Variants in PCDHGB6 observed in about 807,000 individuals in gnomAD.
PCDHGB6 encodes protocadherin gamma-B6.
A neutral mutation model predicts 59.1 loss-of-function variants in PCDHGB6; 51 were observed. The observed-to-expected ratio is 0.86, with a 90% CI of 0.69 to 1.09. The LOEUF (loss-of-function observed/expected upper bound fraction) is 1.09, where lower values mean the gene tolerates loss of function less well. Among genes scored for constraint, PCDHGB6 ranks in the 50% least tolerant of loss-of-function variants. The probability of loss-of-function intolerance (pLI) is 0.00; values close to 1 mark genes in which losing one functional copy is unlikely to be tolerated. For synonymous variants in PCDHGB6, 466 were observed against 495.1 expected (o/e 0.94, Z 0.78); for missense variants, 1,148 against 1,205.1 (o/e 0.95, Z 0.70).
At chr5:141,474,920 C>A (rs1363277892) in intron 1 of PCDHGB6, among the ~76,000 whole-genome samples, 2 of 152,232 alleles carry the variant, frequency 1.3e-5, no homozygotes, top group Admixed American at 6.5e-5. Context: ...TACATCTCAT[C>A]TCTGGCTTAT....
chr5:141,491,126 G>A lies in PCDHGB6; in HGVS notation c.2419-3681G>A, dbSNP rs768294944. 1.4e-5 allele frequency: 23 copies of A among 1,613,978 alleles called. No individual in the cohort carries two copies. In the East Asian group the frequency reaches 3.1e-4, roughly 22 times the overall value. On this transcript the variant is annotated intron_variant, in intron 1 of 3. Transcript: ENST00000520790. This position sits in a 1 kb window ranked among gnomAD's most constrained non-coding sequence, Gnocchi z 6.9. ...GTGTCTACACACACTGGTGAGGTGCGCACAGCCCGGGCCTTACTGGAGGAT... is the reference window on the plus strand; with the variant it reads ...GTGTCTACACACACTGGTGAGGTGCACACAGCCCGGGCCTTACTGGAGGAT...
chr5:141,409,594 C>G lies in PCDHGB6; in HGVS notation c.1392C>G (p.Asn464Lys). ...QTSYVVHVAE[N>K]NPPGASIAQV... ...CCTACGTGGTCCACGTGGCCGAGAA[C>G]AACCCGCCAGGAGCCTCCATTGCGC... The change falls in exon 1 of 4, where the codon AAC (asparagine) becomes AAG (lysine). Residue 464 changes from asparagine to lysine, a missense_variant. By Grantham distance (94) the Asn-to-Lys change is moderately conservative. This residue lies in a region of PCDHGB6 where 549 missense variants were observed against 527.5 expected (regional missense o/e 1.04). Coordinates refer to ENST00000520790, the MANE Select transcript of PCDHGB6 (RefSeq NM_018926.3). 1.2e-6 allele frequency: 2 copies of G among 1,613,900 alleles called. No homozygotes were observed. The highest frequency in any genetic ancestry group is 1.7e-6 in the Non-Finnish European group (2 of 1,179,892).
rs758417744 is a variant in PCDHGB6, at chr5:141,430,916, G to A, written c.2418+20296G>A. On this transcript the variant is annotated intron_variant, in intron 1 of 3. Coordinates refer to ENST00000520790, the MANE Select transcript of PCDHGB6 (RefSeq NM_018926.3). ...GGTGGGCGACATCTCCAGGGACCTG[G>A]GGCTGGAGCCCCGGGAGCTCGCGGA... The A allele has an allele frequency of 1.9e-6, 3 of 1,607,878 alleles. No individual in the cohort carries two copies. The East Asian group carries it at 6.7e-5, about 36-fold the overall frequency.
At chr5:141,460,883 C>T (rs371847673) in intron 1 of PCDHGB6, among the ~76,000 whole-genome samples, 2 of 149,996 alleles carry the variant, frequency 1.3e-5, no homozygotes, top group East Asian at 2.0e-4. Context: ...TATTTCATGC[C>T]TTTTCGTGGC....
intron 1 of PCDHGB6, chr5:141,475,926 G>C: frequency 4.8e-6 from 3 of 619,440 alleles, no homozygotes; most frequent in East Asian, 2.9e-5. Context: ...GCTGGAGATC[G>C]GGCCCCTGCC....
intron 1 of PCDHGB6, chr5:141,441,834 C>T (rs370689467): frequency 2.6e-5 from 9 of 352,638 alleles, no homozygotes; most frequent in Non-Finnish European, 3.9e-5. Flanking sequence ...GCAATGGCTT[C>T]GCGCTCTTGG....
chr5:141,489,696 C>T lies in PCDHGB6; in HGVS notation c.2419-5111C>T. On this transcript the variant is annotated intron_variant, in intron 1 of 3. Transcript: ENST00000520790. This position sits in a 1 kb window ranked among gnomAD's most constrained non-coding sequence, Gnocchi z 4.5. ...AATCAGCAGCATCTGGGGCACGATT[C>T]CCACTGGACAGTGCCCAGGATCCGG... 6.2e-7 allele frequency: 1 copy of T among 1,614,170 alleles called. No homozygotes were observed. Among genetic ancestry groups the T allele is most frequent in the Non-Finnish European group, 8.5e-7 (1 of 1,180,002 alleles).
intron 1 of PCDHGB6, 144 bp from the exon 2 acceptor site, chr5:141,494,663 G>A: frequency 6.7e-7 from 1 of 1,499,356 alleles, no homozygotes; most frequent in Non-Finnish European, 9.0e-7. Flanking sequence ...TGTCTTTGGA[G>A]ATGAGTCCAC....
chr5:141,410,037 G>A lies in PCDHGB6; in HGVS notation c.1835G>A (p.Ser612Asn). The A allele has an allele frequency of 1.2e-6, 2 of 1,613,250 alleles. No homozygotes were observed. The highest frequency in any genetic ancestry group is 1.7e-6 in the Non-Finnish European group (2 of 1,179,804). Residue 612 changes from serine (S) to asparagine (N), a missense_variant, in exon 1 of 4, where the codon AGT (serine) becomes AAT (asparagine). Physicochemically the swap from Ser to Asn is conservative, Grantham distance 46. Transcript: ENST00000520790. The stretch of plus-strand genomic sequence containing the variant: ...CTGTCCTACCACGTGCTGCAGGCCA[G>A]TGAGCCCGGACTCTTCAGCCTGGGG... Reference protein sequence around the residue: ...AWLSYHVLQASEPGLFSLGLR... With the variant: ...AWLSYHVLQANEPGLFSLGLR...
intron 1 of PCDHGB6, chr5:141,416,673 C>A (rs1259750007): frequency 6.6e-6 from 1 of 151,958 alleles, no homozygotes; most frequent in Non-Finnish European, 1.5e-5. Flanking sequence ...ATATATGCAA[C>A]GAAGGGAAAT....
rs919375073 is a variant in PCDHGB6 at position 141,490,642 on chromosome 5, C to A, written c.2419-4165C>A. On this transcript the variant is annotated intron_variant, in intron 1 of 3. Coordinates refer to ENST00000520790, the MANE Select transcript of PCDHGB6 (RefSeq NM_018926.3). This position sits in a 1 kb window ranked among gnomAD's most constrained non-coding sequence, Gnocchi z 5.4. ...CACTGCTTACATCCTAGAAAACCGG[C>A]CTCCGGGCTCCCTTCTTTGCACTGT... 4.3e-6 allele frequency: 7 copies of A among 1,614,102 alleles called. No individual in the cohort carries two copies. In the African/African-American group the frequency reaches 6.7e-5, roughly 15 times the overall value.
chr5:141,420,840 T>A (rs2096528017), intron 1 of PCDHGB6, among the ~76,000 whole-genome samples: 1 of 152,250 alleles, frequency 6.6e-6, no homozygotes, highest in African/African-American at 2.4e-5. Flanking sequence ...TCGCAGGTGT[T>A]CTTGGTAAAG....
chr5:141,476,711 G>C lies in PCDHGB6; in HGVS notation c.2419-18096G>C. 1 of 1,614,194 alleles carries C rather than the reference G, an allele frequency of 6.2e-7. No individual in the cohort carries two copies. The highest frequency in any genetic ancestry group is 8.5e-7 in the Non-Finnish European group (1 of 1,180,042). On this transcript the variant is annotated intron_variant, in intron 1 of 3. Coordinates refer to ENST00000520790, the MANE Select transcript of PCDHGB6 (RefSeq NM_018926.3). This position sits in a 1 kb window ranked among gnomAD's most constrained non-coding sequence, Gnocchi z 7.6. ...CACCAAGTACGCGGAGCTGGTGTTG[G>C]AGCGCGCCCTGGACCGAGAACGGGA...
intron 1 of PCDHGB6, chr5:141,417,547 G>C (rs756455730): frequency 9.7e-5 from 31 of 318,264 alleles, no homozygotes; most frequent in Non-Finnish European, 1.5e-4. Flanking sequence ...AAAATTCCTT[G>C]AAAGAGGTAG....
rs561122870 is a variant in PCDHGB6 at position 141,439,444 on chromosome 5, C to T, written c.2418+28824C>T. On this transcript the variant is annotated intron_variant, in intron 1 of 3. Transcript: ENST00000520790. ...ATAAATTCCCAGGAATATTTTATTG[C>T]GGGAGCAAGACTGCACTGCTGCCTT... Among the ~76,000 whole-genome samples the T allele has an allele frequency of 3.0e-4, 46 of 152,264 alleles. 1 individual carries two copies. The South Asian group carries it at 6.2e-3, about 21-fold the overall frequency.
At chr5:141,415,063 G>A (rs569362520) in intron 1 of PCDHGB6, 3 of 1,613,432 alleles carry the variant, frequency 1.9e-6, no homozygotes, top group Admixed American at 1.7e-5. Flanking sequence ...CACGGGCGAG[G>A]TGCGCACGGC....
At position 141,432,749 on chromosome 5, in the gene PCDHGB6, G is replaced by A; in HGVS notation, c.2418+22129G>A. 6.8e-6 allele frequency: 11 copies of A among 1,614,106 alleles called. No homozygotes were observed. The highest frequency in any genetic ancestry group is 9.3e-6 in the Non-Finnish European group (11 of 1,179,980). On this transcript the variant is annotated intron_variant, in intron 1 of 3. Coordinates refer to ENST00000520790, the MANE Select transcript of PCDHGB6 (RefSeq NM_018926.3). The surrounding 1 kb of genome is among the most constrained non-coding windows in gnomAD (Gnocchi z 6.0). ...CGCCACTGTCACGCTCACCGTGGCCGTGGCCGACAGCATCCCCCAAGTCCT... is the reference window on the plus strand; with the variant it reads ...CGCCACTGTCACGCTCACCGTGGCCATGGCCGACAGCATCCCCCAAGTCCT...
At chr5:141,498,863 G>A (rs1311199561) in intron 2 of PCDHGB6, among the ~76,000 whole-genome samples, 2 of 151,466 alleles carry the variant, frequency 1.3e-5, no homozygotes, top group South Asian at 2.1e-4. Context: ...AACCCAGGAG[G>A]CGGAGGTTGC....
chr5:141,428,124 C>T, intron 1 of PCDHGB6: 1 of 1,605,400 alleles, frequency 6.2e-7, no homozygotes, highest in South Asian at 1.1e-5. Context: ...CGAGCCCGGG[C>T]TTTTCAGCCT....
Sources: allele counts gnomAD v4.1 joint callset (sites outside exome capture counted in the v4.1 genomes callset), GRCh38; gene constraint gnomAD v4.1.1; regional missense constraint gnomAD v4.1.1; non-coding constraint Gnocchi (gnomAD v3.1); transcripts MANE v1.5; gene names NCBI Gene and HGNC (gene_info 2026-07-23, HGNC 2026-07-21).